Variants in SCP2 observed in about 807,000 individuals in gnomAD.
SCP2 encodes the protein sterol carrier protein 2.
SCP2 carries 48 observed loss-of-function variants against 71.4 expected under a neutral mutation model. The observed-to-expected ratio is 0.67, with a 90% CI of 0.53 to 0.86. The LOEUF is 0.86. Among genes scored for constraint, SCP2 ranks in the 40% least tolerant of loss-of-function variants. The pLI is 0.00. For synonymous variants in SCP2, 220 were observed against 218.1 expected (o/e 1.01, Z -0.08); for missense variants, 560 against 655.6 (o/e 0.85, Z 1.59).
intron 1 of SCP2, 144 bp downstream of exon 1, chr1:52,927,609 A>T (rs1465657691): frequency 1.5e-6 from 1 of 679,516 alleles, no homozygotes; most frequent in Non-Finnish European, 2.6e-6. Context: ...ACTCTGCGGA[A>T]TCTCTGGGGT....
intron 9 of SCP2, 50 bp from the exon 10 acceptor site, chr1:52,980,346 T>C: frequency 1.3e-6 from 2 of 1,565,852 alleles, no homozygotes; most frequent in East Asian, 4.5e-5. Context: ...AATACTTGTT[T>C]AAAAGGCCCA....
chr1:52,970,657 A>G (rs1657384410), intron 6 of SCP2, among the ~76,000 whole-genome samples: 1 of 151,624 alleles, frequency 6.6e-6, no homozygotes, highest in African/African-American at 2.4e-5. Flanking sequence ...TGGTATTTTC[A>G]CACTTGGGGA....
At chr1:52,946,576 C>T (rs559736022) in intron 2 of SCP2, among the ~76,000 whole-genome samples, 19 of 152,214 alleles carry the variant, frequency 1.2e-4, no homozygotes, top group African/African-American at 4.3e-4. Flanking sequence ...GAATGTTCTT[C>T]TCAACATAGT....
chr1:52,975,987 T>C (rs1012100369), intron 7 of SCP2, among the ~76,000 whole-genome samples: 2 of 152,154 alleles, frequency 1.3e-5, no homozygotes, highest in Non-Finnish European at 2.9e-5. Flanking sequence ...AATAATTCAC[T>C]AGAACAACTT....
chr1:52,945,744 A>AATATATATATATAT (rs147167752), intron 2 of SCP2, among the ~76,000 whole-genome samples: 9 of 145,726 alleles, frequency 6.2e-5, no homozygotes, highest in African/African-American at 2.1e-4. Flanking sequence ...AGTTGTGCAT[A>AATATATATATATAT]ATATATATAT....
At chr1:53,032,571 C>T (rs1662629193) in intron 13 of SCP2, among the ~76,000 whole-genome samples, 1 of 152,144 alleles carries the variant, frequency 6.6e-6, no homozygotes, top group Non-Finnish European at 1.5e-5. Flanking sequence ...TCATGGAATT[C>T]AACATGTTCA....
In SCP2 at chr1:52,966,458, A is replaced by T. The variant is rs149065758; in HGVS notation, c.523+4829A>T. Among the ~76,000 whole-genome samples, 22 of 152,190 alleles carry T rather than the reference A, an allele frequency of 1.4e-4. No individual in the cohort carries two copies. The East Asian group carries it at 3.5e-3, about 24-fold the overall frequency. ...TATCTGGAATAAATGCCGGTTGATC[A>T]TGGTGTATTGCTGTTTTTAACATGG... is the stretch of plus-strand genomic sequence containing the variant. On this transcript the variant is annotated intron_variant, in intron 6 of 15. Coordinates refer to ENST00000371514, the MANE Select transcript of SCP2 (RefSeq NM_002979.5).
intron 6 of SCP2, among the ~76,000 whole-genome samples, chr1:52,973,665 C>T (rs1007297793): frequency 1.3e-5 from 2 of 152,182 alleles, no homozygotes; most frequent in Non-Finnish European, 2.9e-5. Context: ...TCTCCGTCTT[C>T]CGGGTTCAAG....
At chr1:52,931,537 TA>T (rs1653149348) in intron 1 of SCP2, among the ~76,000 whole-genome samples, 1 of 152,128 alleles carries the variant, frequency 6.6e-6, no homozygotes, top group Non-Finnish European at 1.5e-5. Flanking sequence ...TGCTAAAGGG[TA>T]GTACTTCCCA....
intron 11 of SCP2, among the ~76,000 whole-genome samples, chr1:53,006,432 C>G (rs1039333421): frequency 2.6e-5 from 4 of 152,074 alleles, no homozygotes; most frequent in Non-Finnish European, 4.4e-5. Flanking sequence ...GCGGATCTCT[C>G]GGCAGAAACT....
chr1:53,021,799 C>T (rs6675161), intron 12 of SCP2, among the ~76,000 whole-genome samples: 12,713 of 151,808 alleles, frequency 0.084, 979 homozygotes, highest in Admixed American at 0.2. Flanking sequence ...CATAGGCCAC[C>T]AGGCCCAGCT....
chr1:52,928,019 C>G (rs1308240246), intron 1 of SCP2, among the ~76,000 whole-genome samples: 2 of 152,224 alleles, frequency 1.3e-5, no homozygotes, highest in East Asian at 1.9e-4. Flanking sequence ...AACTGCCTTT[C>G]GTTTCTCCCC....
chr1:53,019,202 T>C (rs532931612), intron 12 of SCP2, among the ~76,000 whole-genome samples: 1 of 152,234 alleles, frequency 6.6e-6, no homozygotes, highest in African/African-American at 2.4e-5. Flanking sequence ...CTCTGAAAAG[T>C]TGCTGTTCTT....
At chr1:53,037,926 AC>A (rs1663109453) in intron 13 of SCP2, among the ~76,000 whole-genome samples, 2 of 129,670 alleles carry the variant, frequency 1.5e-5, no homozygotes, top group South Asian at 2.7e-4. Context: ...ACACACACAC[AC>A]ACAGATCCAG....
In SCP2 at chr1:53,051,030, C is replaced by T. The variant is rs1664167809; in HGVS notation, c.*326C>T. 1 of 205,694 alleles carries T rather than the reference C, an allele frequency of 4.9e-6. No homozygotes were observed. The allele number at this position is 205,694 out of a possible 1,614,324, so 12.7% of individuals were successfully genotyped here. On this transcript the variant is annotated 3_prime_UTR_variant, in exon 16 of 16. Transcript: ENST00000371514. Reference sequence around the variant, plus strand: ...TGTAAACAAAAAAGCTTTTGTTTTGCTTACAAAGTATATTTAAGGATTATT... The same window carrying T: ...TGTAAACAAAAAAGCTTTTGTTTTGTTTACAAAGTATATTTAAGGATTATT...
Position 53,003,031 on chromosome 1 carries a change from C to T in SCP2, c.1082-11859C>T, listed in dbSNP as rs187444189. On this transcript the variant is annotated intron_variant, in intron 11 of 15. Coordinates refer to ENST00000371514, the MANE Select transcript of SCP2 (RefSeq NM_002979.5). ...TTACCTTTCATCATATCCTCCAGGC[C>T]ACCCATCCTTGTTTCCATTGCCCAG... 4.6e-5 allele frequency among the ~76,000 whole-genome samples: 7 copies of T among 152,266 alleles called. No individual in the cohort carries two copies. In the East Asian group the frequency reaches 1.3e-3, roughly 29 times the overall value.
chr1:53,025,790 A>G (rs1165658708), intron 12 of SCP2, among the ~76,000 whole-genome samples: 1 of 152,176 alleles, frequency 6.6e-6, no homozygotes, highest in Non-Finnish European at 1.5e-5. Flanking sequence ...TTCGTTCAGC[A>G]CACTGTTGTA....
chr1:52,945,947 G>A (rs1035663630), intron 2 of SCP2, among the ~76,000 whole-genome samples: 7 of 147,732 alleles, frequency 4.7e-5, no homozygotes, highest in African/African-American at 1.7e-4. Flanking sequence ...TTTTTTAATT[G>A]AGACATGGTC....
chr1:53,016,379 A>G (rs1195026239), intron 12 of SCP2, among the ~76,000 whole-genome samples: 1 of 152,058 alleles, frequency 6.6e-6, no homozygotes. Context: ...TGTGACTTAC[A>G]TCTCTTGTTC....
Sources: gnomAD v4.1 joint callset for allele counts (sites outside exome capture counted in the v4.1 genomes callset) on GRCh38, gnomAD v4.1.1 for gene constraint, MANE v1.5 for transcripts, NCBI Gene and HGNC (gene_info 2026-07-23, HGNC 2026-07-21) for gene names.